Variants in LRP1B observed in about 807,000 individuals in gnomAD.
LRP1B encodes LDL receptor related protein 1B, also known as low-density lipoprotein receptor-related protein 1B.
Under a neutral mutation model 556.6 loss-of-function variants are expected in LRP1B, and 217 were observed. The ratio of observed to expected loss-of-function variants is 0.39; its 90% CI spans 0.35 to 0.44. LRP1B has a LOEUF of 0.44. LRP1B is among the 20% of genes least tolerant of loss of function. The probability of loss-of-function intolerance (pLI) is 1.00; values close to 1 mark genes in which losing one functional copy is unlikely to be tolerated. For missense variants in LRP1B, 5,053 were observed against 5,620.8 expected (o/e 0.90, Z 3.23); for synonymous variants, 2,047 against 1,865.8 (o/e 1.10, Z -2.50).
intron 3 of LRP1B, among the ~76,000 whole-genome samples, chr2:141,345,730 A>G (rs1589429): frequency 0.57 from 84,612 of 149,146 alleles, 24,546 homozygotes; most frequent in Middle Eastern, 0.62. Context: ...GTCTTGAACC[A>G]CTGGCCTCAA....
intron 56 of LRP1B, among the ~76,000 whole-genome samples, chr2:140,495,103 A>G (rs1258762801): frequency 6.6e-6 from 1 of 152,176 alleles, no homozygotes; most frequent in Non-Finnish European, 1.5e-5. Flanking sequence ...TCACTGGAAG[A>G]ATTCAAATAG....
intron 2 of LRP1B, among the ~76,000 whole-genome samples, chr2:141,610,224 G>A (rs1688059944): frequency 7.0e-6 from 1 of 142,776 alleles, no homozygotes; most frequent in Non-Finnish European, 1.6e-5. Context: ...GCTAAATGAC[G>A]AGTTAATGGG....
chr2:140,960,597 C>T (rs1015503988), intron 18 of LRP1B, among the ~76,000 whole-genome samples: 3 of 151,656 alleles, frequency 2.0e-5, no homozygotes, highest in Non-Finnish European at 3.0e-5. Context: ...AGGGGACCTA[C>T]GAGAATTATC....
chr2:141,700,301 G>A (rs985398977), intron 2 of LRP1B, among the ~76,000 whole-genome samples: 1 of 151,832 alleles, frequency 6.6e-6, no homozygotes, highest in African/African-American at 2.4e-5. Context: ...CTCCATGAGA[G>A]CAGGTGCCTT....
intron 1 of LRP1B, among the ~76,000 whole-genome samples, chr2:141,993,236 G>C (rs542749518): frequency 6.6e-6 from 1 of 152,224 alleles, no homozygotes; most frequent in African/African-American, 2.4e-5. Context: ...CCACAAGCCA[G>C]TATCTGTTGC....
intron 2 of LRP1B, among the ~76,000 whole-genome samples, chr2:141,664,208 G>A (rs1427068707): frequency 3.9e-5 from 6 of 152,080 alleles, no homozygotes; most frequent in Admixed American, 6.6e-5. Context: ...TTAAAAACTC[G>A]CAATAAACTA....
chr2:141,517,285 C>T (rs200414679), intron 2 of LRP1B, among the ~76,000 whole-genome samples: 2 of 49,630 alleles, frequency 4.0e-5, no homozygotes, highest in Non-Finnish European at 1.0e-4. Context: ...CACACACACA[C>T]ACACCTTAAA....
intron 6 of LRP1B, among the ~76,000 whole-genome samples, chr2:141,196,951 T>C (rs1012343735): frequency 2.6e-5 from 4 of 152,112 alleles, no homozygotes; most frequent in Admixed American, 1.3e-4. Flanking sequence ...ACTGTTCTTG[T>C]GGTAGAGAAT....
chr2:141,426,951 G>T (rs554770018), intron 3 of LRP1B, among the ~76,000 whole-genome samples: 1 of 152,044 alleles, frequency 6.6e-6, no homozygotes, highest in African/African-American at 2.4e-5. Context: ...AGGTATACAC[G>T]TGCCATGGTG....
intron 84 of LRP1B, among the ~76,000 whole-genome samples, chr2:140,294,922 G>T (rs143920389): frequency 6.6e-6 from 1 of 152,140 alleles, no homozygotes; most frequent in African/African-American, 2.4e-5. Context: ...CTGTCGCCAG[G>T]CTGGAGTGCA....
rs1339496296 is a variant in LRP1B, at chr2:140,623,956, G to GTGTGTATATATATATATA, written c.6800-22318_6800-22317insTATATATATATATACACA. Reference sequence around the variant, plus strand: ...AAAATATATATTATATTTTATTTATGTATATATATATATATATAGCTTAGT... The same window carrying GTGTGTATATATATATATA: ...AAAATATATATTATATTTTATTTATGTGTGTATATATATATATATATATATATATATATATAGCTTAGT... On this transcript the variant is annotated intron_variant, in intron 41 of 90. Transcript: ENST00000389484. Among the ~76,000 whole-genome samples, 25 of 106,432 alleles carry GTGTGTATATATATATATA rather than the reference G, an allele frequency of 2.3e-4. 1 individual carries two copies. Among genetic ancestry groups the GTGTGTATATATATATATA allele is most frequent in the South Asian group, 7.4e-4 (2 of 2,714 alleles). The allele number at this position is 106,432 out of a possible 152,430, so 69.8% of individuals were successfully genotyped here. A position where few individuals can be genotyped will look rare whatever the true frequency, so the allele number is the denominator to read the frequency against.
intron 1 of LRP1B, among the ~76,000 whole-genome samples, chr2:142,081,047 A>T (rs982482033): frequency 6.6e-6 from 1 of 152,050 alleles, no homozygotes; most frequent in Non-Finnish European, 1.5e-5. Context: ...GGAAAATAAT[A>T]AACCTATGCA....
chr2:140,924,574 T>G (rs1165120963), intron 20 of LRP1B, among the ~76,000 whole-genome samples: 1 of 151,982 alleles, frequency 6.6e-6, no homozygotes, highest in Non-Finnish European at 1.5e-5. Flanking sequence ...GAAGCAAGGG[T>G]AAAGAAGTTC....
intron 17 of LRP1B, among the ~76,000 whole-genome samples, chr2:140,985,345 G>A (rs1173463358): frequency 1.3e-5 from 2 of 149,636 alleles, no homozygotes; most frequent in Non-Finnish European, 3.0e-5. Flanking sequence ...AATACATTAG[G>A]GTTTTTTAAA....
At chr2:140,528,095 CTCTG>C (rs1236760145) in intron 47 of LRP1B, among the ~76,000 whole-genome samples, 3 of 151,872 alleles carry the variant, frequency 2.0e-5, no homozygotes, top group South Asian at 2.1e-4. Context: ...ATAGAGAATT[CTCTG>C]TCTGAGTGAG....
chr2:140,474,241 T>C (rs1037855968), intron 60 of LRP1B, among the ~76,000 whole-genome samples: 4 of 151,962 alleles, frequency 2.6e-5, no homozygotes, highest in Admixed American at 6.6e-5. Flanking sequence ...CTTTTTAAAC[T>C]CATTGCTTTA....
At chr2:141,755,682 G>A (rs1351384776) in intron 2 of LRP1B, among the ~76,000 whole-genome samples, 1 of 151,950 alleles carries the variant, frequency 6.6e-6, no homozygotes, top group Non-Finnish European at 1.5e-5. Flanking sequence ...TAATATGGAA[G>A]TATATACAAA....
chr2:141,776,570 C>T (rs1695082199), intron 2 of LRP1B, among the ~76,000 whole-genome samples: 7 of 152,034 alleles, frequency 4.6e-5, no homozygotes, highest in Admixed American at 4.6e-4. Flanking sequence ...TCAGTAATAC[C>T]AGTTTGATTG....
chr2:140,716,399 C>A (rs1369202263), intron 36 of LRP1B, among the ~76,000 whole-genome samples: 1 of 152,032 alleles, frequency 6.6e-6, no homozygotes, highest in Non-Finnish European at 1.5e-5. Context: ...CTACTGACTT[C>A]AGGCAAAAGA....
Sources: gnomAD v4.1 joint callset for allele counts (sites outside exome capture counted in the v4.1 genomes callset) on GRCh38, gnomAD v4.1.1 for gene constraint, MANE v1.5 for transcripts, NCBI Gene and HGNC (gene_info 2026-07-23, HGNC 2026-07-21) for gene names.